The following GKAP1 variants were observed in gnomAD, a reference collection of about 807,000 sequenced individuals.
The protein encoded by GKAP1 is G kinase anchoring protein 1, also known as G kinase-anchoring protein 1.
Under a neutral mutation model 56.7 loss-of-function variants are expected in GKAP1, and 31 were observed. The observed-to-expected ratio is 0.55, with a 90% CI of 0.41 to 0.74. GKAP1 has a LOEUF of 0.74. Ranked by LOEUF, GKAP1 falls within the 30% of genes least tolerant of loss-of-function variation. GKAP1 has a pLI of 0.00. For synonymous variants in GKAP1, 151 were observed against 138.6 expected, an observed-to-expected ratio of 1.09 and a Z score of -0.63; for missense variants, 364 against 402.3, an observed-to-expected ratio of 0.90 and a Z score of 0.82.
At chr9:83,806,848 T>C (rs1944446893) in intron 2 of GKAP1, among the ~76,000 whole-genome samples, 4 of 152,180 alleles carry the variant, frequency 2.6e-5, no homozygotes, top group Admixed American at 1.3e-4. Context: ...CTGAAATATA[T>C]ACATAGTTAT....
chr9:83,748,228 G>T, intron 10 of GKAP1, 81 bp downstream of exon 10: 1 of 880,550 alleles, frequency 1.1e-6, no homozygotes, highest in Non-Finnish European at 1.8e-6. Context: ...TTGTTGAGTT[G>T]GTAAATCACA....
intron 8 of GKAP1, among the ~76,000 whole-genome samples, chr9:83,755,910 T>C (rs573757777): frequency 1.7e-3 from 259 of 151,730 alleles, no homozygotes; most frequent in African/African-American, 5.9e-3. Context: ...GTTCAAGTGA[T>C]TCTCCTGCCT....
chr9:83,803,987 G>A (rs1002030544), intron 3 of GKAP1, among the ~76,000 whole-genome samples: 18 of 144,628 alleles, frequency 1.2e-4, no homozygotes, highest in African/African-American at 1.8e-4. Context: ...CAGCCGCCCC[G>A]TCTGAGAAGT....
chr9:83,760,535 G>A (rs1943552900), intron 8 of GKAP1, among the ~76,000 whole-genome samples: 1 of 152,090 alleles, frequency 6.6e-6, no homozygotes, highest in African/African-American at 2.4e-5. Flanking sequence ...GATATTGACA[G>A]AACTTTTCAT....
chr9:83,769,169 G>C (rs1308110108), intron 7 of GKAP1, among the ~76,000 whole-genome samples, 199 bp from the exon 8 acceptor site: 1 of 152,176 alleles, frequency 6.6e-6, no homozygotes, highest in South Asian at 2.1e-4. Flanking sequence ...AAACAGTAGA[G>C]ACACATTTGG....
At chr9:83,764,254 G>C (rs1363311076) in intron 8 of GKAP1, among the ~76,000 whole-genome samples, 2 of 152,030 alleles carry the variant, frequency 1.3e-5, no homozygotes, top group Non-Finnish European at 2.9e-5. Flanking sequence ...AGGTGGAGAG[G>C]GCAGTTTCCC....
intron 8 of GKAP1, among the ~76,000 whole-genome samples, chr9:83,753,836 T>C (rs903352374): frequency 6.6e-6 from 1 of 152,120 alleles, no homozygotes; most frequent in African/African-American, 2.4e-5. Context: ...AACTAGGAAG[T>C]GATCAGGACC....
At chr9:83,804,640 G>A (rs1289638825) in intron 3 of GKAP1, among the ~76,000 whole-genome samples, 4 of 135,506 alleles carry the variant, frequency 3.0e-5, no homozygotes, top group Non-Finnish European at 6.4e-5. Context: ...TCAGCCCCCC[G>A]CCTGGCCAGC....
At chr9:83,807,302 A>T (rs1446959174) in intron 2 of GKAP1, among the ~76,000 whole-genome samples, 7 of 152,182 alleles carry the variant, frequency 4.6e-5, no homozygotes, top group African/African-American at 1.7e-4. Context: ...TGGTTATGTG[A>T]CTTCCCTTAG....
At chr9:83,764,161 G>A (rs984460342) in intron 8 of GKAP1, among the ~76,000 whole-genome samples, 52 of 152,272 alleles carry the variant, frequency 3.4e-4, no homozygotes, top group African/African-American at 1.2e-3. Flanking sequence ...AATTAACATG[G>A]TTGCTTGGTG....
chr9:83,817,223 C>G (rs1384558567), intron 1 of GKAP1, 96 bp from the exon 2 acceptor site: 3 of 151,524 alleles, frequency 2.0e-5, no homozygotes, highest in Non-Finnish European at 2.9e-5. Context: ...GGGGAGGGGA[C>G]GGTGGCACCT....
intron 3 of GKAP1, among the ~76,000 whole-genome samples, chr9:83,804,380 C>T (rs1427691848): frequency 6.6e-4 from 92 of 139,132 alleles, no homozygotes; most frequent in Non-Finnish European, 1.1e-3. Context: ...CCAGCCGCCC[C>T]GTCCGGGAGG....
intron 12 of GKAP1, among the ~76,000 whole-genome samples, chr9:83,741,229 C>T (rs903114633): frequency 7.2e-5 from 11 of 152,012 alleles, no homozygotes; most frequent in South Asian, 4.2e-4. Context: ...AATTTTAAAG[C>T]CACGGCTAAT....
At chr9:83,801,399 T>G (rs1048699428) in intron 3 of GKAP1, among the ~76,000 whole-genome samples, 15 of 152,014 alleles carry the variant, frequency 9.9e-5, no homozygotes, top group African/African-American at 3.1e-4. Flanking sequence ...AGTTTGTGTT[T>G]TTTTTTTTTT....
intron 8 of GKAP1, among the ~76,000 whole-genome samples, chr9:83,761,633 T>G (rs1012974816): frequency 7.0e-6 from 1 of 143,044 alleles, no homozygotes; most frequent in Non-Finnish European, 1.5e-5. Context: ...GGGGCCAATA[T>G]CTCTGATGAA....
At chr9:83,787,094 A>G (rs781245671) in intron 5 of GKAP1, among the ~76,000 whole-genome samples, 1 of 152,236 alleles carries the variant, frequency 6.6e-6, no homozygotes, top group Non-Finnish European at 1.5e-5. Context: ...GGTATGTAAC[A>G]ATAATGGTTA....
intron 7 of GKAP1, 61 bp from the exon 8 acceptor site, chr9:83,769,031 C>T (rs986308775): frequency 1.5e-6 from 2 of 1,293,648 alleles, no homozygotes; most frequent in Non-Finnish European, 2.2e-6. Flanking sequence ...ATTTAATACA[C>T]CTAGTCAACC....
intron 3 of GKAP1, among the ~76,000 whole-genome samples, chr9:83,802,456 C>G (rs1457076374): frequency 2.1e-5 from 3 of 143,338 alleles, no homozygotes; most frequent in African/African-American, 7.9e-5. Context: ...AAACCCAGCT[C>G]GGGCAACAGA....
At chr9:83,742,441 G>A in intron 11 of GKAP1, 89 bp downstream of exon 11, 1 of 781,190 alleles carries the variant, frequency 1.3e-6, no homozygotes, top group South Asian at 1.7e-5. Flanking sequence ...CATCCTTACA[G>A]TGTTGATGAG....
Sources: allele counts gnomAD v4.1 joint callset (sites outside exome capture counted in the v4.1 genomes callset), GRCh38; gene constraint gnomAD v4.1.1; transcripts MANE v1.5; gene names NCBI Gene and HGNC (gene_info 2026-07-23, HGNC 2026-07-21).